Variants in ACIN1 observed in about 807,000 individuals in gnomAD.
ACIN1 encodes apoptotic chromatin condensation inducer in the nucleus.
Under a neutral mutation model 146.6 loss-of-function variants are expected in ACIN1, and 16 were observed. That is an observed-to-expected ratio of 0.11 (90% confidence interval 0.07 to 0.17). The LOEUF (loss-of-function observed/expected upper bound fraction) is 0.17. Ranked by LOEUF, ACIN1 falls within the 10% of genes least tolerant of loss-of-function variation. The probability of loss-of-function intolerance (pLI) is 1.00; values close to 1 mark genes in which losing one functional copy is unlikely to be tolerated. For synonymous variants in ACIN1, 569 were observed against 582.7 expected (o/e 0.98, Z 0.34); for missense variants, 1,357 against 1,609.3 (o/e 0.84, Z 2.68).
At position 23,081,705 on chromosome 14, in the gene ACIN1, A is replaced by G. The variant is rs199996761; in HGVS notation, c.525+43T>C. ...AGTCTGAAGAAGAGAAGATATCCAA[A>G]GCATTACTGAAGAGGTAATGCTTTA... is the stretch of plus-strand genomic sequence containing the variant. On this transcript the variant is annotated intron_variant, in intron 5 of 18. Transcript: ENST00000605057. 793 of 1,477,052 alleles carry G rather than the reference A, an allele frequency of 5.4e-4. 1 individual carries two copies. The Middle Eastern group carries it at 7.0e-3, about 13-fold the overall frequency. 91.5% of individuals were successfully genotyped at this position (1,477,052 alleles called of 1,614,324 possible). A position where few individuals can be genotyped will look rare whatever the true frequency, so the allele number is the denominator to read the frequency against.
intron 12 of ACIN1, 98 bp downstream of exon 12, chr14:23,064,007 G>T (rs1402642236): frequency 2.6e-6 from 4 of 1,520,342 alleles, no homozygotes; most frequent in Non-Finnish European, 2.7e-6. Flanking sequence ...GCACAGACAG[G>T]GAAGTTCCCT....
In ACIN1 at chr14:23,061,768, C is replaced by T. The variant is rs537514686; in HGVS notation, c.3100-146G>A. 1,027 of 679,692 alleles carry T rather than the reference C, an allele frequency of 1.5e-3. 1 individual carries two copies. Among genetic ancestry groups the T allele is most frequent in the African/African-American group, 9.2e-3 (506 of 55,082 alleles). The allele number at this position is 679,692 out of a possible 1,614,324, so 42.1% of individuals were successfully genotyped here. A position where few individuals can be genotyped will look rare whatever the true frequency, so the allele number is the denominator to read the frequency against. ...GCGGTCAGATCACGAGGTCAGGAGA[C>T]CGAGACCATCCTGGCTGACACGGTG... On this transcript the variant is annotated intron_variant, in intron 16 of 18. Coordinates refer to ENST00000605057, the MANE Select transcript of ACIN1 (RefSeq NM_001386863.1).
intron 8 of ACIN1, among the ~76,000 whole-genome samples, chr14:23,070,927 A>G (rs927145993): frequency 3.3e-5 from 5 of 150,350 alleles, no homozygotes; most frequent in African/African-American, 5.0e-5. Context: ...AGGCTTATAC[A>G]AAAAAAATAT....
Position 23,064,133 on chromosome 14 carries a change from C to A in ACIN1, c.2567G>T (p.Gly856Val). 1 of 1,614,166 alleles carries A rather than the reference C, an allele frequency of 6.2e-7. No homozygotes were observed. The highest frequency in any genetic ancestry group is 1.7e-5 in the Admixed American group (1 of 60,030). The stretch of plus-strand genomic sequence containing the variant: ...AGTGACTGTCCGGCATATTTTCAGC[C>A]CCTTGTCATGGGTCCCATCATCGCC... ...RNGDDGTHDK[G>V]LKICRTVTQV... Residue 856 changes from glycine (G) to valine (V), a missense_variant, in exon 12 of 19, where the codon GGG (glycine) becomes GTG (valine). Physicochemically the swap from Gly to Val is moderately radical, Grantham distance 109. Around this residue, in one of 4 missense-constraint regions of ACIN1, gnomAD observed 509 missense variants for 719.6 expected, o/e 0.71. Transcript: ENST00000605057.
chr14:23,092,990 T>A (rs113026637), intron 2 of ACIN1, among the ~76,000 whole-genome samples: 2 of 152,202 alleles, frequency 1.3e-5, no homozygotes, highest in African/African-American at 4.8e-5. Context: ...GAGGTATTAG[T>A]AATGTTTATG....
At position 23,071,165 on chromosome 14, in the gene ACIN1, TG is replaced by T. The variant is rs2047634648; in HGVS notation, c.2124-1549del. On this transcript the variant is annotated intron_variant, in intron 8 of 18. Coordinates refer to ENST00000605057, the MANE Select transcript of ACIN1 (RefSeq NM_001386863.1). ...GATAACATGATTTTTTTTCTCCCCCTGGAAGTGCTGTTTATCCCTTTCTGGA... is the reference window on the plus strand; with the variant it reads ...GATAACATGATTTTTTTTCTCCCCCTGAAGTGCTGTTTATCCCTTTCTGGA... 7 of 1,551,116 alleles carry T rather than the reference TG, an allele frequency of 4.5e-6. No homozygotes were observed. In the East Asian group the frequency reaches 1.5e-4, roughly 32 times the overall value.
At chr14:23,069,655 GA>G in intron 8 of ACIN1, 38 bp from the exon 9 acceptor site, 1 of 1,548,768 alleles carries the variant, frequency 6.5e-7, no homozygotes, top group Non-Finnish European at 8.9e-7. Context: ...GGGGCGGGCA[GA>G]AAAGAACCAA....
At chr14:23,090,733 C>A in intron 2 of ACIN1, 100 bp from the exon 3 acceptor site, 2 of 820,210 alleles carry the variant, frequency 2.4e-6, no homozygotes, top group Admixed American at 3.0e-5. Context: ...TATAGTTGCG[C>A]CCAAGAAAGA....
rs1419745560 is a variant in ACIN1, at chr14:23,094,817, G to T, written c.138+158C>A. On this transcript the variant is annotated intron_variant, in intron 1 of 18. Coordinates refer to ENST00000605057, the MANE Select transcript of ACIN1 (RefSeq NM_001386863.1). ...GAACCGGCGCGATCTCCATTCCAGC[G>T]CGAACCTCATCAACCACCGTGCGCG... The T allele has an allele frequency of 2.7e-6, 3 of 1,131,144 alleles. No individual in the cohort carries two copies. In the East Asian group the frequency reaches 7.7e-5, roughly 29 times the overall value. The allele number at this position is 1,131,144 out of a possible 1,614,324, so 70.1% of individuals were successfully genotyped here.
intron 1 of ACIN1, chr14:23,094,768 C>T (rs2048329991): frequency 1.2e-6 from 1 of 807,534 alleles, no homozygotes; most frequent in Non-Finnish European, 1.9e-6. Context: ...CCCATTTGGG[C>T]TCGCGCTGCT....
intron 3 of ACIN1, 70 bp downstream of exon 3, chr14:23,090,452 C>T (rs2048201708): frequency 7.5e-7 from 1 of 1,334,818 alleles, no homozygotes; most frequent in Non-Finnish European, 1.1e-6. Context: ...TCTAGTTAGA[C>T]AGGCCTATCT....
intron 12 of ACIN1, 88 bp downstream of exon 12, chr14:23,064,017 T>G: frequency 1.3e-5 from 20 of 1,557,262 alleles, no homozygotes; most frequent in Non-Finnish European, 1.7e-5. Flanking sequence ...GGAAGTTCCC[T>G]CCAAAGACTT....
rs560847231 is a variant in ACIN1, at chr14:23,089,833, C to G, written c.436+149G>C. On this transcript the variant is annotated intron_variant, in intron 4 of 18. Transcript: ENST00000605057. ...GAAAGCAGACTTCAAAAAGGGTATACTTTCCATGAGAAACAGATGTCAAAT... is the reference window on the plus strand; with the variant it reads ...GAAAGCAGACTTCAAAAAGGGTATAGTTTCCATGAGAAACAGATGTCAAAT... The G allele has an allele frequency of 4.3e-6, 5 of 1,157,152 alleles. No individual in the cohort carries two copies. The South Asian group carries it at 6.5e-5, about 15-fold the overall frequency. 71.7% of individuals were successfully genotyped at this position (1,157,152 alleles called of 1,614,324 possible).
rs1206636605 is a variant in ACIN1, at chr14:23,089,904, TGAAAGGAGGTGTA to T, written c.436+65_436+77del. The T allele has an allele frequency of 1.6e-5, 23 of 1,413,612 alleles. No individual in the cohort carries two copies. The African/African-American group carries it at 2.8e-4, about 17-fold the overall frequency. 87.6% of individuals were successfully genotyped at this position (1,413,612 alleles called of 1,614,324 possible). A position where few individuals can be genotyped will look rare whatever the true frequency, so the allele number is the denominator to read the frequency against. On this transcript the variant is annotated intron_variant, in intron 4 of 18. Coordinates refer to ENST00000605057, the MANE Select transcript of ACIN1 (RefSeq NM_001386863.1). ...CTGGGACTTTCATGGAGGCTTAGCA[TGAAAGGAGGTGTA>T]ACTACCTCCCCCCACCAACTACGCA... is the stretch of plus-strand genomic sequence containing the variant.
At chr14:23,065,010 A>C (rs2047407920) in intron 10 of ACIN1, among the ~76,000 whole-genome samples, 1 of 152,204 alleles carries the variant, frequency 6.6e-6, no homozygotes, top group Non-Finnish European at 1.5e-5. Context: ...GAGCCGTTTA[A>C]ACTTTTAATG....
At chr14:23,095,521 G>T (rs2048355856), upstream of ACIN1, 2 of 555,676 alleles carry the variant, frequency 3.6e-6, no homozygotes, top group Admixed American at 3.6e-5. Context: ...TGCCGGGCTG[G>T]CCCAGCTTAG....
Position 23,061,394 on chromosome 14 carries a change from C to A in ACIN1, c.3328G>T (p.Asp1110Tyr), listed in dbSNP as rs1347676403. Reference protein sequence around the residue: ...RTRSEREWDRDKVREGPRSRS... With the variant: ...RTRSEREWDRYKVREGPRSRS... ...GAACGGGGCCCTTCTCGAACTTTGT[C>A]CCGATCCCATTCACGCTCTGATCGA... Residue 1110 changes from aspartate to tyrosine, a missense_variant, in exon 17 of 19, where the codon GAC becomes TAC. Physicochemically the swap from Asp to Tyr is radical, Grantham distance 160. Around this residue, in one of 4 missense-constraint regions of ACIN1, gnomAD observed 509 missense variants for 719.6 expected, o/e 0.71. Coordinates refer to ENST00000605057, the MANE Select transcript of ACIN1 (RefSeq NM_001386863.1). The A allele has an allele frequency of 1.2e-6, 2 of 1,614,114 alleles. No individual in the cohort carries two copies. The highest frequency in any genetic ancestry group is 8.5e-7 in the Non-Finnish European group (1 of 1,180,028).
chr14:23,081,213 T>C (rs1395621084), intron 5 of ACIN1, among the ~76,000 whole-genome samples: 1 of 152,212 alleles, frequency 6.6e-6, no homozygotes, highest in Non-Finnish European at 1.5e-5. Context: ...ATTTCCTTTG[T>C]ACAGTCATAA....
At chr14:23,059,956 G>GTTTTTTTTTTTTTTTTTTTTTTTTTTT (rs397830741) in intron 18 of ACIN1, among the ~76,000 whole-genome samples, 1 of 100,150 alleles carries the variant, frequency 1.0e-5, no homozygotes, top group African/African-American at 4.1e-5. Flanking sequence ...CGCCCCGCCA[G>GTTTTTTTTTTTTTTTTTTTTTTTTTTT]TTTTTTTTTT....
Sources: gnomAD v4.1 joint callset for allele counts (sites outside exome capture counted in the v4.1 genomes callset) on GRCh38, gnomAD v4.1.1 for gene constraint, gnomAD v4.1.1 regional missense constraint, MANE v1.5 for transcripts, NCBI Gene and HGNC (gene_info 2026-07-23, HGNC 2026-07-21) for gene names.